GNG4: variants seen among roughly 807,000 people sequenced by gnomAD.
GNG4 encodes the protein guanine nucleotide-binding protein G(I)/G(S)/G(O) subunit gamma-4.
A neutral mutation model predicts 5.8 loss-of-function variants in GNG4; 4 were observed. The observed-to-expected ratio is 0.69, with a 90% CI of 0.34 to 1.57. The LOEUF (loss-of-function observed/expected upper bound fraction) is 1.57. GNG4 is among the 40% of genes most tolerant of loss of function. The pLI is 0.06. For missense variants in GNG4, 96 were observed against 95.1 expected (o/e 1.01, Z -0.04); for synonymous variants, 29 against 32.9 (o/e 0.88, Z 0.41).
rs1437538318 is a variant in GNG4 at position 235,613,151 on chromosome 1, C to T, written c.-122-17640G>A. ...ACAAACATTCAGACCATAGCAGTCA[C>T]CAAAATGCTGAGAAGTTCAAAGCAT... On this transcript the variant is annotated intron_variant, in intron 1 of 3. Transcript: ENST00000391854. 2.6e-5 allele frequency among the ~76,000 whole-genome samples: 4 copies of T among 152,038 alleles called. No homozygotes were observed. The East Asian group carries it at 5.8e-4, about 22-fold the overall frequency.
chr1:235,604,916 G>A (rs1455950077), intron 1 of GNG4, among the ~76,000 whole-genome samples: 2 of 152,088 alleles, frequency 1.3e-5, no homozygotes, highest in Non-Finnish European at 1.5e-5. Flanking sequence ...ATTGTATGGC[G>A]TTTCATGGCT....
intron 1 of GNG4, among the ~76,000 whole-genome samples, chr1:235,596,209 TACAC>T (rs59527448): frequency 0.067 from 8,909 of 133,456 alleles, 650 homozygotes; most frequent in African/African-American, 0.19. Flanking sequence ...ACAAACAAAA[TACAC>T]ACACACACAC....
chr1:235,571,410 T>C lies in GNG4; in HGVS notation c.99+12330A>G, dbSNP rs562582547. On this transcript the variant is annotated intron_variant, in intron 3 of 3. Transcript: ENST00000391854. ...TTCATATAACAGAGTACCCACTTCATTGGACTGCTGTGAGAATTGAATGAA... is the reference window on the plus strand; with the variant it reads ...TTCATATAACAGAGTACCCACTTCACTGGACTGCTGTGAGAATTGAATGAA... Among the ~76,000 whole-genome samples the C allele has an allele frequency of 3.9e-5, 6 of 152,310 alleles. No homozygotes were observed. In the East Asian group the frequency reaches 7.7e-4, roughly 20 times the overall value.
chr1:235,637,256 G>A (rs934066920), intron 1 of GNG4, among the ~76,000 whole-genome samples: 3 of 152,070 alleles, frequency 2.0e-5, no homozygotes, highest in African/African-American at 7.3e-5. Context: ...TTATGCTTAC[G>A]TGTCCTTTAT....
chr1:235,561,168 G>C (rs1449397811), intron 3 of GNG4, among the ~76,000 whole-genome samples: 1 of 151,692 alleles, frequency 6.6e-6, no homozygotes, highest in African/African-American at 2.4e-5. Context: ...TGCCACCACG[G>C]CCGGCTAATT....
intron 3 of GNG4, among the ~76,000 whole-genome samples, chr1:235,553,076 T>C (rs529603480): frequency 3.4e-4 from 52 of 152,012 alleles, no homozygotes; most frequent in African/African-American, 1.3e-3. Flanking sequence ...ATGTTTTAAC[T>C]TGGAGTGGCC....
At position 235,642,590 on chromosome 1, in the gene GNG4, G is replaced by A. The variant is rs1657364588; in HGVS notation, c.-123+7072C>T. On this transcript the variant is annotated intron_variant, in intron 1 of 3. Transcript: ENST00000391854. This position sits in a 1 kb window ranked among gnomAD's most constrained non-coding sequence, Gnocchi z 4.3. ...GGCGGGTTGGCTGTGGTTTTGCAGA[G>A]GCGGGCAGGAGGGGCAGGGGGCCAG... Among the ~76,000 whole-genome samples the A allele has an allele frequency of 1.3e-5, 2 of 152,176 alleles. No individual in the cohort carries two copies. Among genetic ancestry groups the A allele is most frequent in the African/African-American group, 4.8e-5 (2 of 41,438 alleles).
intron 1 of GNG4, among the ~76,000 whole-genome samples, chr1:235,643,562 T>C (rs1326901472): frequency 6.6e-6 from 1 of 152,226 alleles, no homozygotes; most frequent in Non-Finnish European, 1.5e-5. Flanking sequence ...CAGGTGCTTA[T>C]CACACATGCA....
In GNG4 at chr1:235,579,303, T is replaced by C. The variant is rs1255797141; in HGVS notation, c.99+4437A>G. On this transcript the variant is annotated intron_variant, in intron 3 of 3. Transcript: ENST00000391854. ...TTAGCCATTCCACAATGTATGCCTA[T>C]GTCAAAACTTCATGTTGTACACCAT... is the stretch of plus-strand genomic sequence containing the variant. 4.6e-5 allele frequency among the ~76,000 whole-genome samples: 7 copies of C among 152,184 alleles called. 1 individual carries two copies. The South Asian group carries it at 1.2e-3, about 27-fold the overall frequency.
intron 1 of GNG4, among the ~76,000 whole-genome samples, chr1:235,619,851 A>G (rs1688669954): frequency 6.6e-6 from 1 of 152,236 alleles, no homozygotes; most frequent in African/African-American, 2.4e-5. Context: ...CATTCCCTAT[A>G]GATCTTCTTA....
rs191279657 is a variant in GNG4 at position 235,574,886 on chromosome 1, G to A, written c.99+8854C>T. On this transcript the variant is annotated intron_variant, in intron 3 of 3. Transcript: ENST00000391854. ...GTTGCCCAGGTTGGAATGCAGTGGC[G>A]CAATCTCAGCTCACTGCAACCTCCA... 6.6e-5 allele frequency among the ~76,000 whole-genome samples: 10 copies of A among 152,088 alleles called. No homozygotes were observed. In the East Asian group the frequency reaches 1.9e-3, roughly 29 times the overall value.
chr1:235,556,973 G>A (rs1443868789), intron 3 of GNG4, among the ~76,000 whole-genome samples: 6 of 151,902 alleles, frequency 3.9e-5, no homozygotes, highest in African/African-American at 9.7e-5. Flanking sequence ...ATCTAATGCC[G>A]CTGCTGATCT....
At chr1:235,587,228 TGA>T (rs1687783977) in intron 2 of GNG4, among the ~76,000 whole-genome samples, 1 of 67,868 alleles carries the variant, frequency 1.5e-5, no homozygotes, top group African/African-American at 1.2e-4. Context: ...TGGGTGAGTG[TGA>T]GTGTGTGAGG....
chr1:235,605,787 C>G (rs1276349459), intron 1 of GNG4, among the ~76,000 whole-genome samples: 1 of 151,984 alleles, frequency 6.6e-6, no homozygotes, highest in Non-Finnish European at 1.5e-5. Flanking sequence ...CCTGGGTGGT[C>G]CCTTATTCCT....
At chr1:235,608,135 A>C (rs1275745026) in intron 1 of GNG4, among the ~76,000 whole-genome samples, 1 of 151,386 alleles carries the variant, frequency 6.6e-6, no homozygotes, top group Non-Finnish European at 1.5e-5. Context: ...ACACGGTTTG[A>C]CCTTGTTGGC....
chr1:235,578,537 C>T (rs962708620), intron 3 of GNG4, among the ~76,000 whole-genome samples: 3 of 151,926 alleles, frequency 2.0e-5, no homozygotes, highest in African/African-American at 4.8e-5. Flanking sequence ...TGTCTATCAG[C>T]GAATGAATGG....
At chr1:235,586,594 G>A (rs1571895837) in intron 2 of GNG4, among the ~76,000 whole-genome samples, 1 of 152,242 alleles carries the variant, frequency 6.6e-6, no homozygotes, top group East Asian at 1.9e-4. Flanking sequence ...CACGGGGCCA[G>A]ATCAGTCAGG....
At chr1:235,601,837 T>C (rs1571907814) in intron 1 of GNG4, among the ~76,000 whole-genome samples, 1 of 152,218 alleles carries the variant, frequency 6.6e-6, no homozygotes, top group South Asian at 2.1e-4. Flanking sequence ...TGGATGTGTC[T>C]ACAGCTTAAG....
intron 1 of GNG4, among the ~76,000 whole-genome samples, chr1:235,605,249 G>A (rs941541768): frequency 6.6e-5 from 10 of 151,084 alleles, no homozygotes; most frequent in South Asian, 2.1e-4. Context: ...GGAGTGCAGC[G>A]GCACGATCCC....
Sources: allele counts gnomAD v4.1 joint callset (sites outside exome capture counted in the v4.1 genomes callset), GRCh38; gene constraint gnomAD v4.1.1; non-coding constraint Gnocchi (gnomAD v3.1); transcripts MANE v1.5; gene names NCBI Gene and HGNC (gene_info 2026-07-23, HGNC 2026-07-21).